The following MIPOL1 variants were observed in gnomAD, a reference collection of about 807,000 sequenced individuals.
MIPOL1 encodes mirror-image polydactyly gene 1 protein.
In MIPOL1, 57 loss-of-function variants were observed where a neutral mutation model predicts 60.9. That is an observed-to-expected ratio of 0.94 (90% CI 0.76 to 1.17). The LOEUF (loss-of-function observed/expected upper bound fraction) is 1.17. MIPOL1 is among the 50% of genes most tolerant of loss of function. The pLI is 0.00. For synonymous variants in MIPOL1, 179 were observed against 168.8 expected (o/e 1.06, Z -0.47); for missense variants, 551 against 511.6 (o/e 1.08, Z -0.74).
At chr14:37,365,348 CA>C (rs1281541526) in intron 9 of MIPOL1, among the ~76,000 whole-genome samples, 1 of 152,094 alleles carries the variant, frequency 6.6e-6, no homozygotes, top group East Asian at 1.9e-4. Context: ...GTGGGTCTCT[CA>C]TATGTGGCTT....
intron 1 of MIPOL1, among the ~76,000 whole-genome samples, chr14:37,224,702 C>T (rs551630355): frequency 3.3e-5 from 5 of 152,222 alleles, no homozygotes; most frequent in South Asian, 2.1e-4. Flanking sequence ...CAAACCATAT[C>T]GTTCCACCCC....
intron 12 of MIPOL1, among the ~76,000 whole-genome samples, chr14:37,508,513 A>T (rs2153620985): frequency 6.6e-6 from 1 of 152,270 alleles, no homozygotes; most frequent in Admixed American, 6.5e-5. Context: ...ATAAATAAAG[A>T]CCTTCATGTA....
At chr14:37,509,576 C>CTATA (rs950442431) in intron 12 of MIPOL1, among the ~76,000 whole-genome samples, 2 of 151,368 alleles carry the variant, frequency 1.3e-5, no homozygotes, top group Non-Finnish European at 2.9e-5. Context: ...TAGAAAAAGC[C>CTATA]TATATATATG....
chr14:37,314,504 C>T (rs770325341), intron 9 of MIPOL1, among the ~76,000 whole-genome samples: 4 of 152,098 alleles, frequency 2.6e-5, no homozygotes, highest in Non-Finnish European at 5.9e-5. Flanking sequence ...ACTCTTTCTG[C>T]CTTTAAGCCT....
At chr14:37,350,998 A>G (rs553963264) in intron 9 of MIPOL1, among the ~76,000 whole-genome samples, 1 of 149,432 alleles carries the variant, frequency 6.7e-6, no homozygotes, top group Non-Finnish European at 1.5e-5. Flanking sequence ...ATGCTGGTGC[A>G]CTGCACCCAC....
intron 1 of MIPOL1, among the ~76,000 whole-genome samples, chr14:37,204,528 T>C (rs1271014752): frequency 6.6e-6 from 1 of 152,076 alleles, no homozygotes; most frequent in Non-Finnish European, 1.5e-5. Flanking sequence ...GTCCATGAGA[T>C]GTGATGGTTT....
intron 11 of MIPOL1, among the ~76,000 whole-genome samples, chr14:37,493,226 G>T (rs997116619): frequency 6.6e-6 from 1 of 152,142 alleles, no homozygotes; most frequent in Non-Finnish European, 1.5e-5. Context: ...AATTGCAAAA[G>T]TAAGCTTAAT....
At chr14:37,348,179 T>G (rs1309771017) in intron 9 of MIPOL1, among the ~76,000 whole-genome samples, 1 of 152,186 alleles carries the variant, frequency 6.6e-6, no homozygotes, top group Non-Finnish European at 1.5e-5. Flanking sequence ...TGGTTTTCTG[T>G]TTTTGCATTA....
At chr14:37,315,252 CAG>C (rs1264024995) in intron 9 of MIPOL1, among the ~76,000 whole-genome samples, 1 of 152,126 alleles carries the variant, frequency 6.6e-6, no homozygotes, top group Non-Finnish European at 1.5e-5. Flanking sequence ...AGTGCCCTGA[CAG>C]AGTGAACAAG....
chr14:37,447,076 AT>A (rs1215244916), intron 11 of MIPOL1, among the ~76,000 whole-genome samples: 2 of 152,028 alleles, frequency 1.3e-5, no homozygotes, highest in African/African-American at 2.4e-5. Flanking sequence ...AAGTATAATA[AT>A]AATAAAATAA....
At chr14:37,351,509 G>C (rs928868364) in intron 9 of MIPOL1, among the ~76,000 whole-genome samples, 1 of 151,580 alleles carries the variant, frequency 6.6e-6, no homozygotes, top group Admixed American at 6.6e-5. Context: ...GGTTGAACTA[G>C]TTTACAGTCC....
At chr14:37,359,592 T>A (rs201344424) in intron 9 of MIPOL1, among the ~76,000 whole-genome samples, 3 of 144,622 alleles carry the variant, frequency 2.1e-5, no homozygotes, top group South Asian at 2.3e-4. Flanking sequence ...ATTCTCTTTG[T>A]AGCAATTGTG....
chr14:37,533,110 T>A (rs1235231039), intron 12 of MIPOL1, among the ~76,000 whole-genome samples: 1 of 152,164 alleles, frequency 6.6e-6, no homozygotes, highest in East Asian at 1.9e-4. Flanking sequence ...CATAACAATT[T>A]CAGAGCCATC....
chr14:37,517,555 A>G (rs1321323244), intron 12 of MIPOL1, among the ~76,000 whole-genome samples: 1 of 152,214 alleles, frequency 6.6e-6, no homozygotes, highest in African/African-American at 2.4e-5. Flanking sequence ...CTAGGACTCT[A>G]TCCTGAATAT....
At chr14:37,419,182 C>G (rs2093825173) in intron 10 of MIPOL1, among the ~76,000 whole-genome samples, 1 of 152,004 alleles carries the variant, frequency 6.6e-6, no homozygotes, top group Admixed American at 6.6e-5. Flanking sequence ...GAATAAACTA[C>G]CAGTACATGA....
chr14:37,325,912 C>G (rs145639476), intron 9 of MIPOL1, among the ~76,000 whole-genome samples: 650 of 152,214 alleles, frequency 4.3e-3, no homozygotes, highest in African/African-American at 0.013. Flanking sequence ...ATTTCAACTT[C>G]CAGACAAGTG....
chr14:37,489,777 G>T (rs1354714775), intron 11 of MIPOL1, among the ~76,000 whole-genome samples: 2 of 151,860 alleles, frequency 1.3e-5, no homozygotes, highest in Non-Finnish European at 2.9e-5. Flanking sequence ...ATCACCAGCA[G>T]AAGTTGCAGA....
chr14:37,513,057 C>T (rs1289485252), intron 12 of MIPOL1, among the ~76,000 whole-genome samples: 2 of 152,048 alleles, frequency 1.3e-5, no homozygotes, highest in Non-Finnish European at 2.9e-5. Flanking sequence ...GCTTTATTAT[C>T]ATCTATATAT....
chr14:37,447,495 G>A (rs555500157), intron 11 of MIPOL1, among the ~76,000 whole-genome samples: 3 of 152,110 alleles, frequency 2.0e-5, no homozygotes, highest in East Asian at 1.9e-4. Context: ...ACTGGTTCTA[G>A]TTCCCTCATT....
Sources: allele counts gnomAD v4.1 joint callset (sites outside exome capture counted in the v4.1 genomes callset), GRCh38; gene constraint gnomAD v4.1.1; transcripts MANE v1.5; gene names NCBI Gene and HGNC (gene_info 2026-07-23, HGNC 2026-07-21).